The following DLGAP2 variants were observed in gnomAD, a reference collection of about 807,000 sequenced individuals.
DLGAP2 encodes the protein disks large-associated protein 2.
In DLGAP2, 26 loss-of-function variants were observed where a neutral mutation model predicts 100.3. That is an observed-to-expected ratio of 0.26 (90% confidence interval 0.19 to 0.36). The LOEUF (loss-of-function observed/expected upper bound fraction) is 0.36. Ranked by LOEUF, DLGAP2 falls within the 10% of genes least tolerant of loss-of-function variation. DLGAP2 has a pLI of 1.00. For synonymous variants in DLGAP2, 886 were observed against 630.1 expected, an observed-to-expected ratio of 1.41 and a Z score of -6.08; for missense variants, 1,858 against 1,453.2, an observed-to-expected ratio of 1.28 and a Z score of -4.53.
At chr8:1,334,854 T>A (rs1801238238) in intron 3 of DLGAP2, among the ~76,000 whole-genome samples, 1 of 152,194 alleles carries the variant, frequency 6.6e-6, no homozygotes, top group Non-Finnish European at 1.5e-5. Context: ...CACGGCTGTC[T>A]TGCCTCTCTC....
intron 2 of DLGAP2, among the ~76,000 whole-genome samples, chr8:994,554 A>C (rs1800732868): frequency 6.6e-6 from 1 of 152,158 alleles, no homozygotes; most frequent in Admixed American, 6.6e-5. Context: ...CCAGATCCTC[A>C]AGAACAGTGC....
intron 2 of DLGAP2, among the ~76,000 whole-genome samples, chr8:990,095 C>G (rs1183531039): frequency 1.3e-5 from 2 of 152,072 alleles, no homozygotes; most frequent in Non-Finnish European, 2.9e-5. Flanking sequence ...AAGGGGTCAT[C>G]TACGACTTCA....
intron 3 of DLGAP2, among the ~76,000 whole-genome samples, chr8:1,279,172 T>C (rs972041829): frequency 2.0e-5 from 3 of 152,352 alleles, no homozygotes; most frequent in Admixed American, 6.5e-5. Context: ...TTATCTATGA[T>C]AATTTTAAGT....
intron 2 of DLGAP2, among the ~76,000 whole-genome samples, chr8:1,040,531 C>G: frequency 6.8e-6 from 1 of 146,404 alleles, no homozygotes; most frequent in South Asian, 2.2e-4. Flanking sequence ...TTTCCGTGGT[C>G]GGCTCGGTGT....
chr8:1,622,741 A>C (rs773929258), intron 6 of DLGAP2, among the ~76,000 whole-genome samples: 2 of 152,224 alleles, frequency 1.3e-5, no homozygotes, highest in Non-Finnish European at 2.9e-5. Context: ...ATTCTGAGCT[A>C]CTAAGTCCAT....
At chr8:1,127,786 GGA>G (rs1309430292) in intron 2 of DLGAP2, among the ~76,000 whole-genome samples, 1 of 152,218 alleles carries the variant, frequency 6.6e-6, no homozygotes, top group Non-Finnish European at 1.5e-5. Flanking sequence ...TGTTGTAACT[GGA>G]TGTGAAGTAG....
chr8:836,554 G>T (rs1044958248), intron 1 of DLGAP2, among the ~76,000 whole-genome samples: 1 of 152,176 alleles, frequency 6.6e-6, no homozygotes, highest in East Asian at 1.9e-4. Context: ...GGTTCTGCCG[G>T]GGTGACCCTC....
chr8:1,508,190 G>A (rs1416734032), intron 4 of DLGAP2, among the ~76,000 whole-genome samples: 1 of 151,664 alleles, frequency 6.6e-6, no homozygotes, highest in Admixed American at 6.6e-5. Flanking sequence ...AATTTCTGGG[G>A]TGCATTTACA....
intron 6 of DLGAP2, among the ~76,000 whole-genome samples, chr8:1,590,933 A>T (rs1678320100): frequency 6.6e-6 from 1 of 152,234 alleles, no homozygotes; most frequent in African/African-American, 2.4e-5. Flanking sequence ...ACCTTAAAGA[A>T]GCCATCTTCA....
chr8:814,809 G>A (rs1164659164), intron 1 of DLGAP2, among the ~76,000 whole-genome samples: 1 of 117,164 alleles, frequency 8.5e-6, no homozygotes, highest in African/African-American at 3.3e-5. Context: ...CTGAGATCAT[G>A]TTACACCACT....
At chr8:1,648,002 G>T (rs745850864) in intron 8 of DLGAP2, among the ~76,000 whole-genome samples, 1 of 152,128 alleles carries the variant, frequency 6.6e-6, no homozygotes, top group African/African-American at 2.4e-5. Flanking sequence ...CACAGACGTC[G>T]GTCATCTCTT....
At chr8:1,200,326 C>T (rs1797843471) in intron 2 of DLGAP2, among the ~76,000 whole-genome samples, 1 of 152,240 alleles carries the variant, frequency 6.6e-6, no homozygotes, top group African/African-American at 2.4e-5. Flanking sequence ...TCACTGAGCT[C>T]AGTCCCGTGG....
intron 4 of DLGAP2, among the ~76,000 whole-genome samples, chr8:1,505,320 G>A (rs1249751794): frequency 6.6e-6 from 1 of 152,234 alleles, no homozygotes; most frequent in African/African-American, 2.4e-5. Context: ...TTACAGCACA[G>A]TATAGGTTAA....
At chr8:1,505,969 T>C (rs986477884) in intron 4 of DLGAP2, among the ~76,000 whole-genome samples, 1 of 152,230 alleles carries the variant, frequency 6.6e-6, no homozygotes. Context: ...TATCAAAGTA[T>C]ATTAAGCACA....
intron 2 of DLGAP2, among the ~76,000 whole-genome samples, chr8:1,045,757 A>G (rs1802496548): frequency 6.6e-6 from 1 of 152,032 alleles, no homozygotes; most frequent in Non-Finnish European, 1.5e-5. Context: ...TCACTTTTGG[A>G]TGGGGACACC....
At chr8:1,520,109 C>T (rs1168635695) in intron 4 of DLGAP2, among the ~76,000 whole-genome samples, 1 of 152,216 alleles carries the variant, frequency 6.6e-6, no homozygotes, top group African/African-American at 2.4e-5. Flanking sequence ...CCCATCTCTG[C>T]TTCCCAACAT....
intron 2 of DLGAP2, among the ~76,000 whole-genome samples, chr8:921,337 C>T (rs980952027): frequency 6.6e-6 from 1 of 151,934 alleles, no homozygotes; most frequent in Non-Finnish European, 1.5e-5. Context: ...GTGTCTATGG[C>T]CATTTCTGTG....
At chr8:1,414,326 C>T (rs1474588436) in intron 3 of DLGAP2, among the ~76,000 whole-genome samples, 2 of 152,186 alleles carry the variant, frequency 1.3e-5, no homozygotes. Context: ...ATGAGGCCAA[C>T]AAGTCTGAAG....
chr8:1,318,702 G>A (rs1412955849), intron 3 of DLGAP2, among the ~76,000 whole-genome samples: 1 of 151,430 alleles, frequency 6.6e-6, no homozygotes, highest in African/African-American at 2.4e-5. Context: ...CTTTCAAAAT[G>A]AAAATTGAGT....
Sources: gnomAD v4.1 joint callset for allele counts (sites outside exome capture counted in the v4.1 genomes callset) on GRCh38, gnomAD v4.1.1 for gene constraint, MANE v1.5 for transcripts, NCBI Gene and HGNC (gene_info 2026-07-23, HGNC 2026-07-21) for gene names.